The following TAX1BP1 variants were observed in gnomAD, a reference collection of about 807,000 sequenced individuals.
TAX1BP1 encodes tax1-binding protein 1.
Under a neutral mutation model 97.7 loss-of-function variants are expected in TAX1BP1, and 62 were observed. The observed-to-expected ratio is 0.63, with a 90% confidence interval of 0.52 to 0.78. TAX1BP1 has a LOEUF of 0.78. Ranked by LOEUF, TAX1BP1 falls within the 30% of genes least tolerant of loss-of-function variation. The pLI is 0.00. For synonymous variants in TAX1BP1, 340 were observed against 304.2 expected, an observed-to-expected ratio of 1.12 and a Z score of -1.23; for missense variants, 867 against 916.1, an observed-to-expected ratio of 0.95 and a Z score of 0.69.
chr7:27,807,288 T>C lies in TAX1BP1; in HGVS notation c.1764+7198T>C, dbSNP rs557274171. On this transcript the variant is annotated intron_variant, in intron 13 of 16. Transcript: ENST00000396319. ...AGGAAGTTTAACACTGACACAGTATTATCATCTAACCTACAATACATATTG... is the reference window on the plus strand; with the variant it reads ...AGGAAGTTTAACACTGACACAGTATCATCATCTAACCTACAATACATATTG... Among the ~76,000 whole-genome samples the C allele has an allele frequency of 3.1e-4, 47 of 152,278 alleles. No individual in the cohort carries two copies. The South Asian group carries it at 9.7e-3, about 32-fold the overall frequency.
intron 15 of TAX1BP1, among the ~76,000 whole-genome samples, chr7:27,817,656 T>A (rs1281949670): frequency 1.3e-5 from 2 of 152,346 alleles, no homozygotes; most frequent in Non-Finnish European, 2.9e-5. Flanking sequence ...ATTATTTTTG[T>A]AAATTTTATT....
chr7:27,741,384 G>C (rs1355137250), intron 1 of TAX1BP1, among the ~76,000 whole-genome samples: 1 of 152,150 alleles, frequency 6.6e-6, no homozygotes, highest in Non-Finnish European at 1.5e-5. Flanking sequence ...CCTTTCAAGG[G>C]TAAACTTGAA....
intron 14 of TAX1BP1, 132 bp from the exon 15 acceptor site, chr7:27,816,758 G>A: frequency 8.5e-7 from 1 of 1,182,290 alleles, no homozygotes; most frequent in Non-Finnish European, 1.2e-6. Context: ...AAATCACCTG[G>A]GTTAAAAATA....
chr7:27,816,710 T>C (rs938037983), intron 14 of TAX1BP1, among the ~76,000 whole-genome samples, 180 bp from the exon 15 acceptor site: 3 of 152,234 alleles, frequency 2.0e-5, no homozygotes, highest in African/African-American at 7.2e-5. Context: ...ATGAGATGAG[T>C]ACTTTATTTA....
chr7:27,793,249 T>G, intron 10 of TAX1BP1, 37 bp downstream of exon 10: 1 of 1,496,536 alleles, frequency 6.7e-7, no homozygotes, highest in Non-Finnish European at 8.9e-7. Context: ...TAAAATGTGT[T>G]GTTAGTATTT....
chr7:27,740,865 C>G (rs1015613182), intron 1 of TAX1BP1, among the ~76,000 whole-genome samples: 9 of 152,192 alleles, frequency 5.9e-5, no homozygotes, highest in African/African-American at 2.2e-4. Flanking sequence ...TGATGGCCTG[C>G]TTCACCTGGA....
At chr7:27,811,466 G>A in intron 13 of TAX1BP1, among the ~76,000 whole-genome samples, 1 of 152,090 alleles carries the variant, frequency 6.6e-6, no homozygotes, top group East Asian at 1.9e-4. Context: ...AGGTAAAAAT[G>A]TGTTAACTTA....
At chr7:27,812,045 T>C (rs545271313) in intron 13 of TAX1BP1, among the ~76,000 whole-genome samples, 43 of 152,310 alleles carry the variant, frequency 2.8e-4, no homozygotes, top group African/African-American at 9.4e-4. Flanking sequence ...ATATGGTAAG[T>C]GTATGTTTTT....
At chr7:27,800,991 T>C (rs1419413838) in intron 13 of TAX1BP1, among the ~76,000 whole-genome samples, 12 of 151,470 alleles carry the variant, frequency 7.9e-5, no homozygotes, top group African/African-American at 2.9e-4. Context: ...ATAATCCCAG[T>C]TACTCGGGAG....
At chr7:27,805,721 A>G (rs1790311833) in intron 13 of TAX1BP1, among the ~76,000 whole-genome samples, 1 of 152,148 alleles carries the variant, frequency 6.6e-6, no homozygotes, top group South Asian at 2.1e-4. Flanking sequence ...CCATGAGCCC[A>G]GCTACTTGGG....
At chr7:27,749,058 A>G (rs1211216286) in intron 2 of TAX1BP1, among the ~76,000 whole-genome samples, 2 of 152,188 alleles carry the variant, frequency 1.3e-5, no homozygotes, top group Non-Finnish European at 2.9e-5. Flanking sequence ...CAGCCATGTT[A>G]TTATCCCTTC....
chr7:27,810,176 G>A (rs1460350767), intron 13 of TAX1BP1, among the ~76,000 whole-genome samples: 3 of 151,788 alleles, frequency 2.0e-5, no homozygotes, highest in African/African-American at 7.3e-5. Context: ...CGAAGTGCTG[G>A]GATTACAGGC....
At chr7:27,766,177 C>G (rs1788626038) in intron 4 of TAX1BP1, among the ~76,000 whole-genome samples, 156 bp downstream of exon 4, 1 of 152,102 alleles carries the variant, frequency 6.6e-6, no homozygotes, top group African/African-American at 2.4e-5. Context: ...TCCCGGCACT[C>G]TGGGAGGCCG....
At chr7:27,816,009 G>A (rs1322856311) in intron 13 of TAX1BP1, among the ~76,000 whole-genome samples, 1 of 152,156 alleles carries the variant, frequency 6.6e-6, no homozygotes, top group Non-Finnish European at 1.5e-5. Context: ...ACCCCAGCCT[G>A]GGTGAAGCTC....
intron 13 of TAX1BP1, among the ~76,000 whole-genome samples, chr7:27,807,828 A>G (rs1489803918): frequency 6.6e-6 from 1 of 151,758 alleles, no homozygotes; most frequent in African/African-American, 2.4e-5. Context: ...TTTCTCCCCA[A>G]TTTGTTTATT....
At position 27,766,008 on chromosome 7, in the gene TAX1BP1, C is replaced by G; in HGVS notation, c.440C>G (p.Ala147Gly). Reference sequence around the variant, plus strand: ...GACATGTTAGTGGTGACCACAAAAGCAGGCCTTCTTGAGGTTGGTGTTCAC... The same window carrying G: ...GACATGTTAGTGGTGACCACAAAAGGAGGCCTTCTTGAGGTTGGTGTTCAC... ...NSDMLVVTTK[A>G]GLLELKIEKT... Residue 147 changes from alanine (A) to glycine (G), a missense_variant, in exon 4 of 17, where the codon GCA (alanine) becomes GGA (glycine). Transcript: ENST00000396319. 1 of 1,613,710 alleles carries G rather than the reference C, an allele frequency of 6.2e-7. No homozygotes were observed. Among genetic ancestry groups the G allele is most frequent in the Non-Finnish European group, 8.5e-7 (1 of 1,179,852 alleles).
intron 5 of TAX1BP1, among the ~76,000 whole-genome samples, chr7:27,776,275 G>C (rs1789030243): frequency 6.6e-6 from 1 of 152,082 alleles, no homozygotes; most frequent in Non-Finnish European, 1.5e-5. Context: ...AAAGGTTTCT[G>C]TCTGGTATAA....
At chr7:27,774,370 A>C (rs922395073) in intron 5 of TAX1BP1, among the ~76,000 whole-genome samples, 1 of 152,110 alleles carries the variant, frequency 6.6e-6, no homozygotes, top group African/African-American at 2.4e-5. Context: ...TTCCTCATGG[A>C]TAAGTCGTCT....
intron 1 of TAX1BP1, among the ~76,000 whole-genome samples, chr7:27,743,074 T>C (rs184352327): frequency 6.6e-6 from 1 of 152,286 alleles, no homozygotes; most frequent in Admixed American, 6.5e-5. Context: ...TCTACCCTAA[T>C]ATGTGTGGGC....
Sources: gnomAD v4.1 joint callset for allele counts (sites outside exome capture counted in the v4.1 genomes callset) on GRCh38, gnomAD v4.1.1 for gene constraint, MANE v1.5 for transcripts, NCBI Gene and HGNC (gene_info 2026-07-23, HGNC 2026-07-21) for gene names.